The following DNM1 variants were observed in gnomAD, a reference collection of about 807,000 sequenced individuals.
The protein encoded by DNM1 is dynamin 1, also known as dynamin-1.
A neutral mutation model predicts 104.6 loss-of-function variants in DNM1; 29 were observed. That is an observed-to-expected ratio of 0.28 (90% confidence interval 0.21 to 0.38). The LOEUF (loss-of-function observed/expected upper bound fraction) is 0.38. Among genes scored for constraint, DNM1 ranks in the 10% least tolerant of loss-of-function variants. The pLI, the probability that DNM1 is intolerant of heterozygous loss-of-function variation, is 1.00. For missense variants in DNM1, 640 were observed against 1,189.4 expected (o/e 0.54, Z 6.79); for synonymous variants, 445 against 475.8 (o/e 0.94, Z 0.84).
rs556800414 is a variant in DNM1, at chr9:128,246,091, C to T, written c.1672-303C>T. ...CTGAGTGTGCGGTCCCTGCCTGAGG[C>T]TGGCCTGGCTTGTATCCAGGACTTG... On this transcript the variant is annotated intron_variant, in intron 15 of 21. Transcript: ENST00000372923. Among the ~76,000 whole-genome samples the T allele has an allele frequency of 3.7e-4, 57 of 152,306 alleles. No individual in the cohort carries two copies. In the South Asian group the frequency reaches 0.012, roughly 31 times the overall value.
chr9:128,225,410 C>T (rs1835280936), intron 10 of DNM1, among the ~76,000 whole-genome samples: 1 of 152,138 alleles, frequency 6.6e-6, no homozygotes, highest in Non-Finnish European at 1.5e-5. Flanking sequence ...TACTGCAACC[C>T]TAGGAGGCAG....
intron 1 of DNM1, among the ~76,000 whole-genome samples, chr9:128,214,826 C>A (rs529822525): frequency 7.2e-5 from 11 of 152,370 alleles, no homozygotes; most frequent in Non-Finnish European, 1.5e-4. Flanking sequence ...GCCTCCGAGG[C>A]TGGTGGGCCT....
In DNM1 at chr9:128,247,919, C is replaced by G. The variant is rs1836928538; in HGVS notation, c.1894-5C>G. The G allele has an allele frequency of 6.2e-7, 1 of 1,613,852 alleles. No individual in the cohort carries two copies. The highest frequency in any genetic ancestry group is 1.3e-5 in the African/African-American group (1 of 74,866). On this transcript the variant is annotated splice_polypyrimidine_tract_variant and splice_region_variant and intron_variant, in intron 17 of 21. Transcript: ENST00000372923. The surrounding 1 kb of genome is among the most constrained non-coding windows in gnomAD (Gnocchi z 5.1). ...GGTGGCAATGTTGGTGTGTGGGCCT[C>G]CCAGGACAAAGAGAAAGTGAGTGTG...
chr9:128,209,665 G>A (rs139628061), intron 1 of DNM1, among the ~76,000 whole-genome samples: 7 of 152,178 alleles, frequency 4.6e-5, no homozygotes, highest in Non-Finnish European at 7.3e-5. Flanking sequence ...TCCCCTCTCC[G>A]CAGGCTGCCC....
chr9:128,233,817 T>G, intron 10 of DNM1: 4 of 584,124 alleles, frequency 6.8e-6, no homozygotes, highest in East Asian at 3.0e-5. Context: ...TGAATCACCA[T>G]TTGGAACCCA....
Position 128,254,176 on chromosome 9 carries a change from G to A in DNM1, c.2535-478G>A. On this transcript the variant is annotated intron_variant, in intron 21 of 21. Transcript: ENST00000372923. The surrounding 1 kb of genome is among the most constrained non-coding windows in gnomAD (Gnocchi z 6.1). Reference sequence around the variant, plus strand: ...TTCTGAACACCCAGAGGGGCCTCCGGCGCTCCCTCCAGCCATCCCTTTTAG... The same window carrying A: ...TTCTGAACACCCAGAGGGGCCTCCGACGCTCCCTCCAGCCATCCCTTTTAG... 2 of 1,312,064 alleles carry A rather than the reference G, an allele frequency of 1.5e-6. No individual in the cohort carries two copies. Among genetic ancestry groups the A allele is most frequent in the South Asian group, 2.5e-5 (1 of 40,222 alleles). The allele number at this position is 1,312,064 out of a possible 1,614,324, so 81.3% of individuals were successfully genotyped here. A position where few individuals can be genotyped will look rare whatever the true frequency, so the allele number is the denominator to read the frequency against.
At chr9:128,214,676 C>T (rs943909400) in intron 1 of DNM1, among the ~76,000 whole-genome samples, 6 of 152,156 alleles carry the variant, frequency 3.9e-5, no homozygotes, top group African/African-American at 1.2e-4. Flanking sequence ...GTGTTTGTTT[C>T]GTCCCCTCAT....
intron 10 of DNM1, chr9:128,226,100 A>G: frequency 6.2e-7 from 1 of 1,612,826 alleles, no homozygotes; most frequent in Non-Finnish European, 8.5e-7. Flanking sequence ...CAGAAGCTCA[A>G]AGAGCCCAGT....
Position 128,234,058 on chromosome 9 carries a change from G to A in DNM1, c.1373G>A (p.Arg458His), listed in dbSNP as rs868047356. ...QYPRLREEME[R>H]IVTTHIRERE... ...CCGCGGCTACGGGAGGAGATGGAGC[G>A]CATCGTGACCACCCACATCCGGGAG... Residue 458 changes from arginine to histidine, a missense_variant, in exon 11 of 22, where the codon CGC (arginine) becomes CAC (histidine). Physicochemically the swap from Arg to His is conservative, Grantham distance 29 (BLOSUM62 0). Around this residue, in one of 7 missense-constraint regions of DNM1, gnomAD observed 92 missense variants for 124.4 expected, o/e 0.74. Coordinates refer to ENST00000372923, the MANE Select transcript of DNM1 (RefSeq NM_004408.4). 4 of 1,578,882 alleles carry A rather than the reference G, an allele frequency of 2.5e-6. No homozygotes were observed. The highest frequency in any genetic ancestry group is 2.4e-5 in the East Asian group (1 of 42,524).
chr9:128,234,548 A>G (rs1835893689), intron 11 of DNM1, among the ~76,000 whole-genome samples: 1 of 151,908 alleles, frequency 6.6e-6, no homozygotes, highest in Non-Finnish European at 1.5e-5. Flanking sequence ...TAATTTTTGT[A>G]TTTTTAGTAC....
At chr9:128,226,193 G>A (rs746130356) in intron 10 of DNM1, 59 of 1,612,170 alleles carry the variant, frequency 3.7e-5, no homozygotes, top group African/African-American at 1.9e-4. Flanking sequence ...CCGCCTGGGC[G>A]GGGCTGGGCC....
chr9:128,242,271 A>G lies in DNM1; in HGVS notation c.1597A>G (p.Ile533Val). Residue 533 changes from isoleucine (I) to valine (V), a missense_variant, in exon 15 of 22, where the codon ATC becomes GTC. Physicochemically the swap from Ile to Val is conservative, Grantham distance 29. Transcript: ENST00000372923. ...CTGGCTGACTATCAATAATATTGGC[A>G]TCATGAAAGGGGGCTCCAAGGAGTA... ...KGWLTINNIG[I>V]MKGGSKEYWF... The G allele has an allele frequency of 6.2e-7, 1 of 1,613,170 alleles. No homozygotes were observed. The highest frequency in any genetic ancestry group is 1.7e-5 in the Admixed American group (1 of 60,014).
intron 10 of DNM1, among the ~76,000 whole-genome samples, chr9:128,228,442 TG>T: frequency 6.6e-6 from 1 of 152,346 alleles, no homozygotes; most frequent in Non-Finnish European, 1.5e-5. Context: ...CCCAAAATGC[TG>T]GGTTTATAGG....
chr9:128,238,645 G>A (rs183243253), intron 11 of DNM1, among the ~76,000 whole-genome samples: 2 of 149,780 alleles, frequency 1.3e-5, no homozygotes, highest in East Asian at 3.9e-4. Context: ...ATTTTGATTT[G>A]TGATTTTCTT....
chr9:128,239,225 T>G (rs1836205233), intron 11 of DNM1, among the ~76,000 whole-genome samples: 1 of 151,744 alleles, frequency 6.6e-6, no homozygotes, highest in African/African-American at 2.4e-5. Context: ...CTTGAACTCC[T>G]AGGCTCAAGC....
At chr9:128,212,546 A>T (rs1182288193) in intron 1 of DNM1, among the ~76,000 whole-genome samples, 2 of 152,232 alleles carry the variant, frequency 1.3e-5, no homozygotes, top group Non-Finnish European at 2.9e-5. Flanking sequence ...ATCCAGATGT[A>T]GCTGCATAGT....
chr9:128,214,798 C>T (rs1021121122), intron 1 of DNM1, among the ~76,000 whole-genome samples: 2 of 152,260 alleles, frequency 1.3e-5, no homozygotes, highest in African/African-American at 4.8e-5. Context: ...GCCCCTCCCA[C>T]GCTGGGCACA....
At chr9:128,238,301 T>C (rs1588421429) in intron 11 of DNM1, among the ~76,000 whole-genome samples, 1 of 152,148 alleles carries the variant, frequency 6.6e-6, no homozygotes. Flanking sequence ...CTCGGCTCAC[T>C]GCAATCTCCA....
chr9:128,220,742 C>CGCGCGCGCGTGTGT lies in DNM1; in HGVS notation c.849+402_849+403insCGCGCGCGTGTGTG, dbSNP rs61020870. On this transcript the variant is annotated intron_variant, in intron 6 of 21. Coordinates refer to ENST00000372923, the MANE Select transcript of DNM1 (RefSeq NM_004408.4). This position sits in a 1 kb window ranked among gnomAD's most constrained non-coding sequence, Gnocchi z 5.2. ...CAGAACTGAAGTGCGCGCGCGCGCG[C>CGCGCGCGCGTGTGT]GTGTGTGTGTGTGTGTGTGTGTGTG... Among the ~76,000 whole-genome samples, 56 of 136,358 alleles carry CGCGCGCGCGTGTGT rather than the reference C, an allele frequency of 4.1e-4. 1 individual carries two copies. Among genetic ancestry groups the CGCGCGCGCGTGTGT allele is most frequent in the African/African-American group, 1.1e-3 (40 of 37,808 alleles). The allele number at this position is 136,358 out of a possible 152,430, so 89.5% of individuals were successfully genotyped here. A position where few individuals can be genotyped will look rare whatever the true frequency, so the allele number is the denominator to read the frequency against.
Sources: allele counts gnomAD v4.1 joint callset (sites outside exome capture counted in the v4.1 genomes callset), GRCh38; gene constraint gnomAD v4.1.1; regional missense constraint gnomAD v4.1.1; non-coding constraint Gnocchi (gnomAD v3.1); transcripts MANE v1.5; gene names NCBI Gene and HGNC (gene_info 2026-07-23, HGNC 2026-07-21).